Variants in EIF4H observed in about 807,000 individuals in gnomAD.
EIF4H encodes the protein eukaryotic translation initiation factor 4H.
Under a neutral mutation model 30.6 loss-of-function variants are expected in EIF4H, and 8 were observed. The ratio of observed to expected loss-of-function variants is 0.26; its 90% CI spans 0.15 to 0.47. The LOEUF is 0.47. Among genes scored for constraint, EIF4H ranks in the 20% least tolerant of loss-of-function variants. The pLI, the probability that EIF4H is intolerant of heterozygous loss-of-function variation, is 0.99. For missense variants in EIF4H, 188 were observed against 339.5 expected, an observed-to-expected ratio of 0.55 and a Z score of 3.51; for synonymous variants, 106 against 122.7, an observed-to-expected ratio of 0.86 and a Z score of 0.90.
At chr7:74,176,999 T>A (rs1800856753) in intron 1 of EIF4H, among the ~76,000 whole-genome samples, 1 of 152,190 alleles carries the variant, frequency 6.6e-6, no homozygotes, top group African/African-American at 2.4e-5. Flanking sequence ...AAACCACCGA[T>A]CCTGAGAATT....
At chr7:74,186,451 G>A (rs1358160917) in intron 1 of EIF4H, among the ~76,000 whole-genome samples, 5 of 152,024 alleles carry the variant, frequency 3.3e-5, no homozygotes, top group African/African-American at 1.2e-4. Context: ...GACCTCAAGT[G>A]ATCCACCCAC....
chr7:74,176,609 G>C (rs1403873517), intron 1 of EIF4H, among the ~76,000 whole-genome samples: 2 of 152,188 alleles, frequency 1.3e-5, no homozygotes, highest in African/African-American at 4.8e-5. Context: ...AGAAATGGTA[G>C]GCCTAAAATG....
chr7:74,192,724 C>A (rs1801251435), intron 5 of EIF4H, among the ~76,000 whole-genome samples: 1 of 132,058 alleles, frequency 7.6e-6, no homozygotes, highest in South Asian at 2.4e-4. Flanking sequence ...GTTGCCCAGG[C>A]TGGAGTGCAG....
intron 5 of EIF4H, among the ~76,000 whole-genome samples, chr7:74,194,455 A>G (rs944616980): frequency 3.3e-5 from 5 of 152,150 alleles, no homozygotes; most frequent in Non-Finnish European, 5.9e-5. Context: ...GTTTCGTGGT[A>G]TTAATATTTT....
intron 5 of EIF4H, among the ~76,000 whole-genome samples, chr7:74,193,076 G>A (rs958084394): frequency 6.6e-6 from 1 of 152,174 alleles, no homozygotes; most frequent in African/African-American, 2.4e-5. Flanking sequence ...TAAGTAGTCT[G>A]TGGTGCCATC....
chr7:74,191,052 C>A (rs1042893061), intron 5 of EIF4H: 4 of 404,706 alleles, frequency 9.9e-6, no homozygotes, highest in African/African-American at 4.3e-5. Flanking sequence ...ACCCTCCCCC[C>A]ATCAAAACAA....
intron 5 of EIF4H, 89 bp downstream of exon 5, chr7:74,190,395 C>A: frequency 7.6e-7 from 1 of 1,320,802 alleles, no homozygotes; most frequent in Non-Finnish European, 1.1e-6. Context: ...CCTGGCCGGA[C>A]TACTTATTTA....
chr7:74,185,438 C>T (rs1334707545), intron 1 of EIF4H, among the ~76,000 whole-genome samples: 1 of 152,002 alleles, frequency 6.6e-6, no homozygotes, highest in African/African-American at 2.4e-5. Flanking sequence ...TTTACTAGGC[C>T]CGAAAAGATG....
intron 2 of EIF4H, among the ~76,000 whole-genome samples, chr7:74,189,396 G>A (rs1801156079): frequency 1.3e-5 from 2 of 152,200 alleles, no homozygotes; most frequent in Admixed American, 1.3e-4. Flanking sequence ...GCCTGAGAAA[G>A]GTTTGAATAT....
At chr7:74,191,015 C>G (rs1242585257) in intron 5 of EIF4H, among the ~76,000 whole-genome samples, 2 of 152,110 alleles carry the variant, frequency 1.3e-5, no homozygotes, top group Non-Finnish European at 2.9e-5. Context: ...GATGTGCTGT[C>G]AATGCTGTGC....
chr7:74,175,728 T>G (rs1481015571), intron 1 of EIF4H, among the ~76,000 whole-genome samples: 2 of 145,604 alleles, frequency 1.4e-5, no homozygotes, highest in African/African-American at 2.8e-5. Flanking sequence ...AACTAGGGTT[T>G]TTTTTTTTTT....
intron 1 of EIF4H, among the ~76,000 whole-genome samples, chr7:74,175,171 T>C (rs1228924370): frequency 6.6e-6 from 1 of 152,274 alleles, no homozygotes; most frequent in Non-Finnish European, 1.5e-5. Context: ...GTCGTCCTGA[T>C]TGTTGTCAAA....
In EIF4H at chr7:74,196,399, C is replaced by G. The variant is rs1295796989; in HGVS notation, c.*1091C>G. 1 of 152,682 alleles carries G rather than the reference C, an allele frequency of 6.5e-6. No individual in the cohort carries two copies. The highest frequency in any genetic ancestry group is 1.5e-5 in the Non-Finnish European group (1 of 68,076). The allele number at this position is 152,682 out of a possible 1,614,324, so 9.5% of individuals were successfully genotyped here. A position where few individuals can be genotyped will look rare whatever the true frequency, so the allele number is the denominator to read the frequency against. Reference sequence around the variant, plus strand: ...CTTTGATAAATTGTACTATGCAGAGCTGTCAGGAACCTTCAGATAGCAGTA... The same window carrying G: ...CTTTGATAAATTGTACTATGCAGAGGTGTCAGGAACCTTCAGATAGCAGTA... On this transcript the variant is annotated 3_prime_UTR_variant, in exon 7 of 7. Transcript: ENST00000265753.
chr7:74,179,600 C>T (rs1800912349), intron 1 of EIF4H, among the ~76,000 whole-genome samples: 1 of 149,464 alleles, frequency 6.7e-6, no homozygotes, highest in African/African-American at 2.5e-5. Flanking sequence ...CCACTGCACT[C>T]CCGCCTGGGC....
In EIF4H at chr7:74,194,736, C is replaced by T. The variant is rs1554710437; in HGVS notation, c.470-5C>T. On this transcript the variant is annotated splice_polypyrimidine_tract_variant and splice_region_variant and intron_variant, in intron 5 of 6. Transcript: ENST00000265753. ...AAGTAATTCAGTGTCCTGTTTCTTC[C>T]TCAGGCTTCAGGGATGACTTCTTAG... is the stretch of plus-strand genomic sequence containing the variant. 4 of 1,569,926 alleles carry T rather than the reference C, an allele frequency of 2.5e-6. No individual in the cohort carries two copies. Among genetic ancestry groups the T allele is most frequent in the Non-Finnish European group, 8.7e-7 (1 of 1,150,330 alleles).
rs1379377524 is a variant in EIF4H at position 74,188,372 on chromosome 7, C to A, written c.247+574C>A. ...AGGGATCCGAGCAGCATTCTCCTGCCTGCAGGGCTTCCTGAAGGAAGTGTG... is the reference window on the plus strand; with the variant it reads ...AGGGATCCGAGCAGCATTCTCCTGCATGCAGGGCTTCCTGAAGGAAGTGTG... On this transcript the variant is annotated intron_variant, in intron 2 of 6. Transcript: ENST00000265753. Among the ~76,000 whole-genome samples the A allele has an allele frequency of 3.9e-5, 6 of 152,220 alleles. No individual in the cohort carries two copies. In the East Asian group the frequency reaches 9.6e-4, roughly 24 times the overall value.
In EIF4H at chr7:74,196,395, A is replaced by G. The variant is rs1395038602; in HGVS notation, c.*1087A>G. ...TTTCCTTTGATAAATTGTACTATGC[A>G]GAGCTGTCAGGAACCTTCAGATAGC... On this transcript the variant is annotated 3_prime_UTR_variant, in exon 7 of 7. Coordinates refer to ENST00000265753, the MANE Select transcript of EIF4H (RefSeq NM_022170.2). 6 of 152,718 alleles carry G rather than the reference A, an allele frequency of 3.9e-5. No individual in the cohort carries two copies. The highest frequency in any genetic ancestry group is 7.3e-5 in the Non-Finnish European group (5 of 68,088). 9.5% of individuals were successfully genotyped at this position (152,718 alleles called of 1,614,324 possible). A position where few individuals can be genotyped will look rare whatever the true frequency, so the allele number is the denominator to read the frequency against.
At chr7:74,190,199 G>A (rs782788335) in intron 4 of EIF4H, 48 bp from the exon 5 acceptor site, 40 of 1,572,972 alleles carry the variant, frequency 2.5e-5, no homozygotes, top group South Asian at 1.1e-5. Flanking sequence ...TGTTTGCGCA[G>A]CAAGGTAATG....
chr7:74,188,805 T>C (rs1801144728), intron 2 of EIF4H, among the ~76,000 whole-genome samples: 1 of 152,088 alleles, frequency 6.6e-6, no homozygotes, highest in East Asian at 1.9e-4. Context: ...CTGTTGCTTC[T>C]GTGAAGTTGG....
Sources: gnomAD v4.1 joint callset for allele counts (sites outside exome capture counted in the v4.1 genomes callset) on GRCh38, gnomAD v4.1.1 for gene constraint, MANE v1.5 for transcripts, NCBI Gene and HGNC (gene_info 2026-07-23, HGNC 2026-07-21) for gene names.